Variants in LMNB1 observed in about 807,000 individuals in gnomAD.
LMNB1 encodes lamin B1.
Under a neutral mutation model 67.1 loss-of-function variants are expected in LMNB1, and 23 were observed. The ratio of observed to expected loss-of-function variants is 0.34; its 90% confidence interval spans 0.25 to 0.49. LMNB1 has a LOEUF of 0.49. Ranked by LOEUF, LMNB1 falls within the 20% of genes least tolerant of loss-of-function variation. The pLI is 0.99. For synonymous variants in LMNB1, 281 were observed against 282.9 expected, an observed-to-expected ratio of 0.99 and a Z score of 0.07; for missense variants, 634 against 746.5, an observed-to-expected ratio of 0.85 and a Z score of 1.76.
intron 1 of LMNB1, among the ~76,000 whole-genome samples, chr5:126,789,630 T>A (rs1378826237): frequency 6.6e-6 from 1 of 152,192 alleles, no homozygotes; most frequent in African/African-American, 2.4e-5. Flanking sequence ...TTCAGTCCCG[T>A]TTACTGTGAT....
intron 9 of LMNB1, among the ~76,000 whole-genome samples, chr5:126,830,042 T>C (rs1752097386): frequency 6.6e-6 from 1 of 152,258 alleles, no homozygotes; most frequent in Non-Finnish European, 1.5e-5. Context: ...AATGATTACT[T>C]ATATATGTAG....
intron 7 of LMNB1, among the ~76,000 whole-genome samples, chr5:126,821,790 G>A (rs1751875746): frequency 6.6e-6 from 1 of 152,152 alleles, no homozygotes; most frequent in Non-Finnish European, 1.5e-5. Flanking sequence ...CTAGAGGAAG[G>A]CATGGTCTGG....
intron 1 of LMNB1, among the ~76,000 whole-genome samples, chr5:126,786,535 G>A (rs1409730359): frequency 1.3e-5 from 2 of 152,150 alleles, no homozygotes; most frequent in African/African-American, 2.4e-5. Context: ...TAGAAAGGAT[G>A]GTAGCCTGAC....
intron 6 of LMNB1, 120 bp downstream of exon 6, chr5:126,819,262 C>A: frequency 1.5e-6 from 1 of 658,056 alleles, no homozygotes. Context: ...TTTCTTTGAA[C>A]ACCTAGGTAT....
At chr5:126,813,974 C>T (rs968230819) in intron 5 of LMNB1, among the ~76,000 whole-genome samples, 2 of 152,158 alleles carry the variant, frequency 1.3e-5, no homozygotes, top group African/African-American at 4.8e-5. Flanking sequence ...CGGCTCACTG[C>T]AACCTCCGCC....
In LMNB1 at chr5:126,836,881, C is replaced by G. The variant is rs780104435; in HGVS notation, c.*617C>G. The G allele has an allele frequency of 4.4e-5, 6 of 136,568 alleles. No individual in the cohort carries two copies. Among genetic ancestry groups the G allele is most frequent in the Non-Finnish European group, 6.4e-5 (5 of 78,434 alleles). The allele number at this position is 136,568 out of a possible 1,614,324, so 8.5% of individuals were successfully genotyped here. The stretch of plus-strand genomic sequence containing the variant: ...TACTTCTTCTCTTAGATTCTTAATT[C>G]ATGAGGAGGGTGGGGGAGGGAGGTG... On this transcript the variant is annotated 3_prime_UTR_variant, in exon 11 of 11. Transcript: ENST00000261366.
intron 3 of LMNB1, among the ~76,000 whole-genome samples, chr5:126,805,946 ATTTTTGTTTTTTTG>A (rs753618575): frequency 5.9e-5 from 9 of 151,916 alleles, no homozygotes; most frequent in Non-Finnish European, 1.0e-4. Flanking sequence ...CATCTTACTT[ATTTTTGTTTTTTTG>A]TTTTTGTTTT....
Position 126,836,393 on chromosome 5 carries a change from T to C in LMNB1, c.*129T>C. 1.5e-6 allele frequency: 1 copy of C among 660,222 alleles called. No individual in the cohort carries two copies. The highest frequency in any genetic ancestry group is 2.6e-6 in the Non-Finnish European group (1 of 379,270). 40.9% of individuals were successfully genotyped at this position (660,222 alleles called of 1,614,324 possible). On this transcript the variant is annotated 3_prime_UTR_variant, in exon 11 of 11. Coordinates refer to ENST00000261366, the MANE Select transcript of LMNB1 (RefSeq NM_005573.4). ...GTGAATTTTTAAGCTGCAAATCTGA[T>C]GGCCTTAATTTCCTTTTTGACACTG...
chr5:126,778,398 C>A (rs1038535780), intron 1 of LMNB1, among the ~76,000 whole-genome samples: 2 of 152,198 alleles, frequency 1.3e-5, no homozygotes, highest in African/African-American at 4.8e-5. Flanking sequence ...GGGACCTTCC[C>A]GCAGCATCCG....
At chr5:126,821,851 A>G (rs1198441959) in intron 7 of LMNB1, among the ~76,000 whole-genome samples, 2 of 152,150 alleles carry the variant, frequency 1.3e-5, no homozygotes, top group African/African-American at 4.8e-5. Flanking sequence ...ACATATGTTC[A>G]GGGCCTGCTA....
intron 2 of LMNB1, among the ~76,000 whole-genome samples, chr5:126,805,345 C>T (rs1470284227): frequency 6.6e-6 from 1 of 152,162 alleles, no homozygotes; most frequent in Admixed American, 6.5e-5. Context: ...CTGTTCTATT[C>T]CCTGTTGCCA....
At chr5:126,800,906 C>A (rs1580536508) in intron 1 of LMNB1, among the ~76,000 whole-genome samples, 1 of 135,508 alleles carries the variant, frequency 7.4e-6, no homozygotes, top group East Asian at 2.2e-4. Flanking sequence ...CTTGCCTCGG[C>A]CTCCCAAAGT....
chr5:126,787,537 TATATATATA>T (rs1351601259), intron 1 of LMNB1, among the ~76,000 whole-genome samples: 15 of 72,344 alleles, frequency 2.1e-4, no homozygotes, highest in Non-Finnish European at 2.9e-4. Context: ...TATATATATA[TATATATATA>T]TTTTTTTTTT....
At chr5:126,805,439 G>A (rs1198129055) in intron 2 of LMNB1, 132 bp from the exon 3 acceptor site, 1 of 638,868 alleles carries the variant, frequency 1.6e-6, no homozygotes, top group East Asian at 2.8e-5. Context: ...TAAATGTTAA[G>A]ATGAAGTAAT....
intron 1 of LMNB1, among the ~76,000 whole-genome samples, chr5:126,803,709 A>G (rs1388505145): frequency 6.6e-6 from 1 of 151,906 alleles, no homozygotes; most frequent in Non-Finnish European, 1.5e-5. Flanking sequence ...CACCATGCCC[A>G]GCTTAAGTTT....
intron 1 of LMNB1, among the ~76,000 whole-genome samples, chr5:126,797,757 C>T (rs1160432520): frequency 6.6e-6 from 1 of 152,114 alleles, no homozygotes; most frequent in Non-Finnish European, 1.5e-5. Flanking sequence ...CCCATGTATC[C>T]TTGACAACTC....
chr5:126,783,199 C>T (rs1750673807), intron 1 of LMNB1, among the ~76,000 whole-genome samples: 2 of 151,656 alleles, frequency 1.3e-5, no homozygotes, highest in African/African-American at 4.8e-5. Flanking sequence ...GACTCTGTCT[C>T]AAAAACAAAA....
At position 126,779,465 on chromosome 5, in the gene LMNB1, T is replaced by G. The variant is rs566792835; in HGVS notation, c.359+1598T>G. On this transcript the variant is annotated intron_variant, in intron 1 of 10. Coordinates refer to ENST00000261366, the MANE Select transcript of LMNB1 (RefSeq NM_005573.4). ...TATGTTCCTCCAAATTTTTTGCCAC[T>G]GAATTCCTTCAAATCTTAGATATCG... Among the ~76,000 whole-genome samples, 55 of 152,360 alleles carry G rather than the reference T, an allele frequency of 3.6e-4. 1 individual carries two copies. The South Asian group carries it at 0.011, about 29-fold the overall frequency.
At chr5:126,817,971 C>G (rs1751756175) in intron 5 of LMNB1, among the ~76,000 whole-genome samples, 2 of 152,150 alleles carry the variant, frequency 1.3e-5, no homozygotes. Context: ...GATGAACTTT[C>G]TGGTGTAGGA....
Sources: allele counts gnomAD v4.1 joint callset (sites outside exome capture counted in the v4.1 genomes callset), GRCh38; gene constraint gnomAD v4.1.1; transcripts MANE v1.5; gene names NCBI Gene and HGNC (gene_info 2026-07-23, HGNC 2026-07-21).